Variants in ZHX3 observed in about 807,000 individuals in gnomAD.
ZHX3 encodes zinc fingers and homeoboxes protein 3.
Under a neutral mutation model 64.5 loss-of-function variants are expected in ZHX3, and 20 were observed. That is an observed-to-expected ratio of 0.31 (90% CI 0.22 to 0.45). The LOEUF is 0.45. ZHX3 is among the 20% of genes least tolerant of loss of function. The pLI, the probability that ZHX3 is intolerant of heterozygous loss-of-function variation, is 1.00. For synonymous variants in ZHX3, 423 were observed against 461.6 expected, an observed-to-expected ratio of 0.92 and a Z score of 1.07; for missense variants, 1,041 against 1,195.8, an observed-to-expected ratio of 0.87 and a Z score of 1.91.
chr20:41,220,060 A>T (rs912107879), intron 2 of ZHX3, among the ~76,000 whole-genome samples: 2 of 152,262 alleles, frequency 1.3e-5, no homozygotes, highest in Non-Finnish European at 2.9e-5. Context: ...GAAGACAGAC[A>T]AACAAAATCA....
chr20:41,203,892 T>G lies in ZHX3; in HGVS notation c.1025A>C (p.Lys342Thr). ...GATCTTGAGCTGTTCTTCTGGATAC[T>G]TGGTCACCACAGTCAAATAGCAGAG... ...AELCYLTVVT[K>T]YPEEQLKIWF... The change falls in exon 3 of 4, where the codon AAG (lysine) becomes ACG (threonine). Residue 342 changes from lysine (K) to threonine (T), a missense_variant. Lys to Thr is a moderately conservative substitution (Grantham distance 78). Coordinates refer to ENST00000683867, the MANE Select transcript of ZHX3 (RefSeq NM_001384317.1). The surrounding 1 kb of genome is among the most constrained non-coding windows in gnomAD (Gnocchi z 7.1). 1 of 1,614,236 alleles carries G rather than the reference T, an allele frequency of 6.2e-7. No individual in the cohort carries two copies. The highest frequency in any genetic ancestry group is 8.5e-7 in the Non-Finnish European group (1 of 1,180,036).
intron 2 of ZHX3, among the ~76,000 whole-genome samples, chr20:41,250,068 G>C (rs1236283801): frequency 2.0e-5 from 3 of 152,114 alleles, no homozygotes; most frequent in Non-Finnish European, 2.9e-5. Flanking sequence ...CCCAACTACA[G>C]GGCCCCCAGG....
chr20:41,196,475 T>TATATATAATATTTATATAAA lies in ZHX3; in HGVS notation c.2860+5581_2860+5582insTTTATATAAATATTATATAT, dbSNP rs71309661. On this transcript the variant is annotated intron_variant, in intron 3 of 3. Coordinates refer to ENST00000683867, the MANE Select transcript of ZHX3 (RefSeq NM_001384317.1). ...TAATATATTTATATATAATATATAT[T>TATATATAATATTTATATAAA]TATATATTATAAATATATATTATAT... is the stretch of plus-strand genomic sequence containing the variant. Among the ~76,000 whole-genome samples the TATATATAATATTTATATAAA allele has an allele frequency of 6.8e-3, 254 of 37,100 alleles. 10 individuals carry two copies. The highest frequency in any genetic ancestry group is 0.01 in the East Asian group (9 of 874). The allele number at this position is 37,100 out of a possible 152,430, so 24.3% of individuals were successfully genotyped here.
chr20:41,241,513 T>G (rs1180317392), intron 2 of ZHX3, among the ~76,000 whole-genome samples: 1 of 152,250 alleles, frequency 6.6e-6, no homozygotes, highest in Non-Finnish European at 1.5e-5. Flanking sequence ...TTTAACTTGA[T>G]GTGATTCCAT....
chr20:41,186,756 A>C (rs1415727501), intron 3 of ZHX3, among the ~76,000 whole-genome samples: 1 of 152,164 alleles, frequency 6.6e-6, no homozygotes, highest in Non-Finnish European at 1.5e-5. Context: ...TCGTCTTTTC[A>C]TGTACTTATT....
intron 2 of ZHX3, among the ~76,000 whole-genome samples, chr20:41,214,612 C>A (rs543731912): frequency 1.1e-4 from 17 of 152,214 alleles, no homozygotes; most frequent in Non-Finnish European, 2.2e-4. Context: ...TCCCCACCAC[C>A]TGGATGCTTA....
chr20:41,299,868 T>C (rs914331363), intron 1 of ZHX3: 1 of 92,550 alleles, frequency 1.1e-5, no homozygotes, highest in Non-Finnish European at 1.9e-5. Context: ...GGAGACTCGG[T>C]CTCAAAAAAA....
At chr20:41,289,913 T>C (rs911364807) in intron 1 of ZHX3, among the ~76,000 whole-genome samples, 11 of 152,352 alleles carry the variant, frequency 7.2e-5, no homozygotes, top group Non-Finnish European at 1.3e-4. Flanking sequence ...ATCCTAGTTG[T>C]AGTTTCAACA....
chr20:41,290,567 C>T (rs1375059692), intron 1 of ZHX3: 1 of 152,282 alleles, frequency 6.6e-6, no homozygotes, highest in East Asian at 1.9e-4. Flanking sequence ...GCACATGTTA[C>T]TGCATCTGGT....
intron 3 of ZHX3, among the ~76,000 whole-genome samples, chr20:41,196,225 T>C (rs1883407246): frequency 7.2e-6 from 1 of 139,796 alleles, no homozygotes; most frequent in African/African-American, 2.7e-5. Flanking sequence ...CCTTTAATTC[T>C]GTCATTTCTG....
At chr20:41,197,151 G>C in intron 3 of ZHX3, 1 of 212,430 alleles carries the variant, frequency 4.7e-6, no homozygotes, top group Non-Finnish European at 1.0e-5. Flanking sequence ...ACAAAACTGG[G>C]ATCATCTTGG....
chr20:41,302,616 G>T (rs1197956171), intron 1 of ZHX3, among the ~76,000 whole-genome samples: 1 of 152,194 alleles, frequency 6.6e-6, no homozygotes, highest in Non-Finnish European at 1.5e-5. Context: ...GTAGACAGAT[G>T]CCTATTCTCA....
At chr20:41,208,516 G>A (rs1289449001) in intron 2 of ZHX3, among the ~76,000 whole-genome samples, 1 of 152,184 alleles carries the variant, frequency 6.6e-6, no homozygotes, top group East Asian at 1.9e-4. Context: ...CTTCATACCT[G>A]GGATGCAAGG....
chr20:41,270,455 C>T (rs377589105), intron 1 of ZHX3, among the ~76,000 whole-genome samples: 90 of 151,080 alleles, frequency 6.0e-4, no homozygotes, highest in African/African-American at 2.0e-3. Flanking sequence ...GTGGGCAAAT[C>T]ACGAGGTCAG....
intron 2 of ZHX3, among the ~76,000 whole-genome samples, chr20:41,234,742 C>T (rs2040851240): frequency 6.6e-6 from 1 of 152,202 alleles, no homozygotes; most frequent in Non-Finnish European, 1.5e-5. Context: ...ACTCCAGTGT[C>T]ACAAGAAAGT....
chr20:41,268,790 T>C (rs1183722587), intron 2 of ZHX3, among the ~76,000 whole-genome samples, 200 bp downstream of exon 2: 1 of 152,204 alleles, frequency 6.6e-6, no homozygotes, highest in East Asian at 1.9e-4. Context: ...AATGCAGATT[T>C]TTAGATTAAT....
At chr20:41,222,618 G>T (rs1031161420) in intron 2 of ZHX3, among the ~76,000 whole-genome samples, 21 of 152,166 alleles carry the variant, frequency 1.4e-4, no homozygotes, top group African/African-American at 4.6e-4. Context: ...TATTATAAGA[G>T]CCAAGTAGTT....
chr20:41,314,282 A>T (rs1438254216), intron 1 of ZHX3, among the ~76,000 whole-genome samples: 1 of 152,220 alleles, frequency 6.6e-6, no homozygotes, highest in Non-Finnish European at 1.5e-5. Context: ...GGAGAGATGT[A>T]AAATTGCAAA....
At position 41,179,285 on chromosome 20, in the gene ZHX3, T is replaced by G. The variant is rs1043275668; in HGVS notation, c.*5906A>C. 6.6e-6 allele frequency: 1 copy of G among 152,168 alleles called. No homozygotes were observed. The highest frequency in any genetic ancestry group is 1.5e-5 in the Non-Finnish European group (1 of 68,006). 9.4% of individuals were successfully genotyped at this position (152,168 alleles called of 1,614,324 possible). A position where few individuals can be genotyped will look rare whatever the true frequency, so the allele number is the denominator to read the frequency against. ...AACCCTCTACACAGGGGTGACTGCT[T>G]CTCCCCTGGCCCCGACCCAGTCTAA... On this transcript the variant is annotated 3_prime_UTR_variant, in exon 4 of 4. Coordinates refer to ENST00000683867, the MANE Select transcript of ZHX3 (RefSeq NM_001384317.1). This position sits in a 1 kb window ranked among gnomAD's most constrained non-coding sequence, Gnocchi z 4.3.
Sources: allele counts gnomAD v4.1 joint callset (sites outside exome capture counted in the v4.1 genomes callset), GRCh38; gene constraint gnomAD v4.1.1; non-coding constraint Gnocchi (gnomAD v3.1); transcripts MANE v1.5; gene names NCBI Gene and HGNC (gene_info 2026-07-23, HGNC 2026-07-21).